The following CLIC5 variants were observed in gnomAD, a reference collection of about 807,000 sequenced individuals.
CLIC5 encodes chloride intracellular channel protein 5.
Under a neutral mutation model 24.7 loss-of-function variants are expected in CLIC5, and 20 were observed. The ratio of observed to expected loss-of-function variants is 0.81; its 90% CI spans 0.57 to 1.18. The LOEUF is 1.18. CLIC5 is among the 50% of genes most tolerant of loss of function. The pLI, the probability that CLIC5 is intolerant of heterozygous loss-of-function variation, is 0.00. For synonymous variants in CLIC5, 159 were observed against 135.6 expected, an observed-to-expected ratio of 1.17 and a Z score of -1.20; for missense variants, 341 against 326.1, an observed-to-expected ratio of 1.05 and a Z score of -0.35.
chr6:46,013,113 G>T (rs1385930944), intron 1 of CLIC5, among the ~76,000 whole-genome samples: 1 of 152,154 alleles, frequency 6.6e-6, no homozygotes, highest in Non-Finnish European at 1.5e-5. Flanking sequence ...GGAAACAAGA[G>T]GTTGGGAGGT....
At chr6:45,938,217 C>T (rs1561948272) in intron 4 of CLIC5, among the ~76,000 whole-genome samples, 1 of 152,194 alleles carries the variant, frequency 6.6e-6, no homozygotes, top group African/African-American at 2.4e-5. Context: ...CCATGGAGCT[C>T]ACACAGAGCA....
chr6:46,025,381 T>G (rs1767301271), intron 1 of CLIC5, among the ~76,000 whole-genome samples: 1 of 152,210 alleles, frequency 6.6e-6, no homozygotes, highest in Non-Finnish European at 1.5e-5. Flanking sequence ...AACTTCAGTA[T>G]GCGGGAGCTA....
At chr6:46,003,257 C>T (rs1766424329) in intron 1 of CLIC5, among the ~76,000 whole-genome samples, 1 of 152,164 alleles carries the variant, frequency 6.6e-6, no homozygotes, top group Admixed American at 6.5e-5. Context: ...ACTCATGGGA[C>T]CAAAGAGGAC....
At chr6:45,887,575 G>T (rs968172309) in intron 6 of CLIC5, among the ~76,000 whole-genome samples, 1 of 149,216 alleles carries the variant, frequency 6.7e-6, no homozygotes, top group Non-Finnish European at 1.5e-5. Flanking sequence ...ATAGTTTTTG[G>T]GGGGACACAA....
At chr6:46,012,342 C>T (rs886507752) in intron 1 of CLIC5, among the ~76,000 whole-genome samples, 2 of 152,152 alleles carry the variant, frequency 1.3e-5, no homozygotes, top group Non-Finnish European at 2.9e-5. Flanking sequence ...CAAATCCCTG[C>T]GCCATCCACA....
intron 1 of CLIC5, among the ~76,000 whole-genome samples, chr6:46,014,900 A>G (rs1435745818): frequency 6.6e-6 from 1 of 152,208 alleles, no homozygotes; most frequent in Admixed American, 6.5e-5. Flanking sequence ...CATGATTATG[A>G]CAAAAATAAT....
chr6:45,915,775 G>A (rs182141235), intron 4 of CLIC5, among the ~76,000 whole-genome samples: 3 of 152,238 alleles, frequency 2.0e-5, no homozygotes, highest in African/African-American at 4.8e-5. Context: ...ACTGAAAATC[G>A]TTTTGCCCAG....
intron 1 of CLIC5, among the ~76,000 whole-genome samples, chr6:46,078,995 G>A (rs62400504): frequency 6.6e-6 from 1 of 152,180 alleles, no homozygotes; most frequent in Admixed American, 6.5e-5. Flanking sequence ...TATGAATATT[G>A]TGGGGGAGAT....
chr6:46,111,331 T>C, the CLIC5 span, among the ~76,000 whole-genome samples: 1 of 152,128 alleles, frequency 6.6e-6, no homozygotes, highest in Non-Finnish European at 1.5e-5. Context: ...GCAGAAAAAA[T>C]CTGTCAGATA....
In CLIC5 at chr6:45,955,984, C is replaced by G. The variant is rs115110150; in HGVS notation, c.64-740G>C. On this transcript the variant is annotated intron_variant, in intron 1 of 5. Transcript: ENST00000339561. Reference sequence around the variant, plus strand: ...CCAGGGGATTGAAAATTGAATTCCTCCAAGGAGCTTATGGCCTTCTGTAGG... The same window carrying G: ...CCAGGGGATTGAAAATTGAATTCCTGCAAGGAGCTTATGGCCTTCTGTAGG... Among the ~76,000 whole-genome samples the G allele has an allele frequency of 6.1e-3, 924 of 152,236 alleles. 10 individuals are homozygous for G. The highest frequency in any genetic ancestry group is 0.021 in the African/African-American group (881 of 41,528).
At chr6:46,100,696 G>C in the CLIC5 span, among the ~76,000 whole-genome samples, 1 of 152,122 alleles carries the variant, frequency 6.6e-6, no homozygotes, top group Non-Finnish European at 1.5e-5. Flanking sequence ...CATAATGTAA[G>C]AAATTAAGGC....
At chr6:45,989,359 C>A (rs1765850215) in intron 1 of CLIC5, among the ~76,000 whole-genome samples, 1 of 152,084 alleles carries the variant, frequency 6.6e-6, no homozygotes, top group Non-Finnish European at 1.5e-5. Flanking sequence ...CTGATATTAT[C>A]TCTGTAAAAA....
At chr6:46,071,690 G>C (rs905316726) in intron 1 of CLIC5, among the ~76,000 whole-genome samples, 1 of 152,038 alleles carries the variant, frequency 6.6e-6, no homozygotes, top group African/African-American at 2.4e-5. Context: ...ATTCCTCAGA[G>C]ACCTAAAAAC....
chr6:46,021,478 A>T (rs1767181602), intron 1 of CLIC5, among the ~76,000 whole-genome samples: 2 of 152,334 alleles, frequency 1.3e-5, no homozygotes, highest in South Asian at 4.1e-4. Context: ...TTGGTACATA[A>T]ATTTTTTTTT....
intron 1 of CLIC5, among the ~76,000 whole-genome samples, chr6:45,972,391 T>C (rs1765230997): frequency 1.3e-5 from 2 of 152,220 alleles, no homozygotes; most frequent in Admixed American, 6.5e-5. Flanking sequence ...CTGTCTTCTT[T>C]GTTAGTGGAT....
chr6:46,093,041 G>A, the CLIC5 span, among the ~76,000 whole-genome samples: 26 of 151,986 alleles, frequency 1.7e-4, no homozygotes, highest in African/African-American at 3.6e-4. Flanking sequence ...TAAGCTTTTC[G>A]CAGTACAGCT....
chr6:46,038,069 G>C (rs933631448), intron 1 of CLIC5, among the ~76,000 whole-genome samples: 1 of 152,096 alleles, frequency 6.6e-6, no homozygotes, highest in African/African-American at 2.4e-5. Flanking sequence ...TTATCTGGTA[G>C]AGCTCATTGG....
chr6:45,997,220 T>G (rs1225411041), intron 1 of CLIC5, among the ~76,000 whole-genome samples: 4 of 150,766 alleles, frequency 2.7e-5, no homozygotes, highest in Non-Finnish European at 5.9e-5. Context: ...TGGATGAAAC[T>G]GGAAATCATC....
At chr6:45,953,141 T>G (rs1764525816) in intron 2 of CLIC5, among the ~76,000 whole-genome samples, 1 of 152,186 alleles carries the variant, frequency 6.6e-6, no homozygotes, top group African/African-American at 2.4e-5. Context: ...TAATTTCTAG[T>G]TGGCATCTTG....
Sources: gnomAD v4.1 joint callset for allele counts (sites outside exome capture counted in the v4.1 genomes callset) on GRCh38, gnomAD v4.1.1 for gene constraint, MANE v1.5 for transcripts, NCBI Gene and HGNC (gene_info 2026-07-23, HGNC 2026-07-21) for gene names.